Variants in WWOX observed in about 807,000 individuals in gnomAD.
WWOX encodes the protein WW domain-containing oxidoreductase.
WWOX carries 69 observed loss-of-function variants against 46.2 expected under a neutral mutation model. The observed-to-expected ratio is 1.49, with a 90% CI of 1.23 to 1.82. The LOEUF (loss-of-function observed/expected upper bound fraction) is 1.82. Among genes scored for constraint, WWOX ranks in the 40% most tolerant of loss-of-function variants. The pLI, the probability that WWOX is intolerant of heterozygous loss-of-function variation, is 0.00. For missense variants in WWOX, 919 were observed against 542.6 expected (o/e 1.69, Z -6.89); for synonymous variants, 359 against 202.6 (o/e 1.77, Z -6.56).
chr16:79,034,097 G>C (rs147355464), intron 8 of WWOX, among the ~76,000 whole-genome samples: 4 of 152,296 alleles, frequency 2.6e-5, no homozygotes, highest in Non-Finnish European at 5.9e-5. Flanking sequence ...ATGGGCCAGG[G>C]AACTGAATGG....
At chr16:78,572,446 T>G (rs1022485837) in intron 8 of WWOX, among the ~76,000 whole-genome samples, 1 of 151,696 alleles carries the variant, frequency 6.6e-6, no homozygotes, top group African/African-American at 2.4e-5. Context: ...AATACAAAAA[T>G]TAGCCAGTGT....
At chr16:78,815,916 C>G (rs190420708) in intron 8 of WWOX, among the ~76,000 whole-genome samples, 5 of 152,252 alleles carry the variant, frequency 3.3e-5, no homozygotes, top group South Asian at 4.2e-4. Context: ...GGTTCTCTCC[C>G]CAACCCATTC....
intron 6 of WWOX, among the ~76,000 whole-genome samples, chr16:78,421,915 C>T (rs1261169968): frequency 1.3e-5 from 2 of 152,136 alleles, no homozygotes; most frequent in African/African-American, 4.8e-5. Context: ...TTTCAATTCT[C>T]ATGATACATG....
chr16:78,989,409 A>G (rs903090955), intron 8 of WWOX, among the ~76,000 whole-genome samples: 2 of 152,202 alleles, frequency 1.3e-5, no homozygotes, highest in Admixed American at 6.5e-5. Context: ...ACCCTGCAGA[A>G]TCTTAACAGC....
chr16:78,315,492 A>G (rs2080340225), intron 5 of WWOX, among the ~76,000 whole-genome samples: 2 of 152,060 alleles, frequency 1.3e-5, no homozygotes, highest in South Asian at 2.1e-4. Context: ...TCTGCTACAG[A>G]TATAAAAATT....
intron 8 of WWOX, among the ~76,000 whole-genome samples, chr16:79,154,244 C>T (rs896895126): frequency 6.6e-6 from 1 of 152,192 alleles, no homozygotes; most frequent in Non-Finnish European, 1.5e-5. Context: ...GTGTAAGTGT[C>T]CTCTGCCCTG....
chr16:78,652,408 CAAAAAAAAAAAAAAAAA>C (rs747993811), intron 8 of WWOX, among the ~76,000 whole-genome samples: 47 of 107,474 alleles, frequency 4.4e-4, no homozygotes, highest in Middle Eastern at 4.5e-3. Context: ...GACTCCGTCT[CAAAAAAAAAAAAAAAAA>C]AAAAAAGAAA....
At chr16:78,393,695 A>T (rs573660702) in intron 6 of WWOX, among the ~76,000 whole-genome samples, 3 of 152,274 alleles carry the variant, frequency 2.0e-5, no homozygotes, top group African/African-American at 7.2e-5. Flanking sequence ...TTCATATTAA[A>T]ATAATTACCC....
intron 5 of WWOX, among the ~76,000 whole-genome samples, chr16:78,276,541 G>GA (rs2079582404): frequency 6.6e-6 from 1 of 152,186 alleles, no homozygotes; most frequent in Non-Finnish European, 1.5e-5. Flanking sequence ...ACTGCTGTGA[G>GA]CAACCTCAAA....
At chr16:78,564,614 T>G (rs2044520233) in intron 8 of WWOX, among the ~76,000 whole-genome samples, 1 of 152,172 alleles carries the variant, frequency 6.6e-6, no homozygotes. Context: ...AATCAATTTC[T>G]TTTTAAATCT....
intron 8 of WWOX, among the ~76,000 whole-genome samples, chr16:78,883,372 A>T (rs1181796867): frequency 6.6e-6 from 1 of 152,118 alleles, no homozygotes; most frequent in African/African-American, 2.4e-5. Context: ...GTAGTGGGAA[A>T]CTCGTGAAAT....
intron 5 of WWOX, among the ~76,000 whole-genome samples, chr16:78,175,411 G>A (rs772541801): frequency 6.6e-6 from 1 of 152,164 alleles, no homozygotes; most frequent in Non-Finnish European, 1.5e-5. Flanking sequence ...TGGAATATGG[G>A]CTGTACTTAG....
At chr16:78,556,031 C>T (rs1486554974) in intron 8 of WWOX, among the ~76,000 whole-genome samples, 2 of 152,022 alleles carry the variant, frequency 1.3e-5, no homozygotes, top group African/African-American at 4.8e-5. Context: ...GATGGAGGTC[C>T]AGCCAGGCCC....
At chr16:78,823,518 C>CTG (rs926378715) in intron 8 of WWOX, among the ~76,000 whole-genome samples, 5 of 152,204 alleles carry the variant, frequency 3.3e-5, no homozygotes, top group Non-Finnish European at 7.3e-5. Flanking sequence ...GGTCACCTGT[C>CTG]TGTGTAATCG....
chr16:78,550,203 C>A (rs1474973804), intron 8 of WWOX, among the ~76,000 whole-genome samples: 1 of 152,182 alleles, frequency 6.6e-6, no homozygotes, highest in Non-Finnish European at 1.5e-5. Context: ...CTGGATCATT[C>A]CATTTATACT....
At chr16:78,945,433 C>A (rs2045930256) in intron 8 of WWOX, among the ~76,000 whole-genome samples, 1 of 152,152 alleles carries the variant, frequency 6.6e-6, no homozygotes, top group Non-Finnish European at 1.5e-5. Context: ...TCAAAAAGAT[C>A]AAAATCAGGT....
At chr16:78,456,311 G>C (rs1040145343) in intron 8 of WWOX, among the ~76,000 whole-genome samples, 1 of 152,202 alleles carries the variant, frequency 6.6e-6, no homozygotes, top group South Asian at 2.1e-4. Flanking sequence ...TCTGTGAATA[G>C]TGTTGGGGGC....
chr16:79,022,591 A>C (rs979181244), intron 8 of WWOX, among the ~76,000 whole-genome samples: 34 of 152,310 alleles, frequency 2.2e-4, no homozygotes, highest in African/African-American at 7.9e-4. Context: ...GGAAGGGAAC[A>C]TACTTTTAGG....
intron 4 of WWOX, among the ~76,000 whole-genome samples, chr16:78,146,411 G>A (rs2034199605): frequency 1.3e-5 from 2 of 152,134 alleles, no homozygotes; most frequent in African/African-American, 2.4e-5. Context: ...AAGCAGCAGC[G>A]GGGTGAGGGG....
Sources: allele counts gnomAD v4.1 joint callset (sites outside exome capture counted in the v4.1 genomes callset), GRCh38; gene constraint gnomAD v4.1.1; transcripts MANE v1.5; gene names NCBI Gene and HGNC (gene_info 2026-07-23, HGNC 2026-07-21).